Variants in WDR93 observed in about 807,000 individuals in gnomAD.
WDR93 encodes the protein WD repeat domain 93.
Under a neutral mutation model 82.9 loss-of-function variants are expected in WDR93, and 73 were observed. The observed-to-expected ratio is 0.88, with a 90% CI of 0.73 to 1.07. WDR93 has a LOEUF of 1.07. Among genes scored for constraint, WDR93 ranks in the 50% least tolerant of loss-of-function variants. The probability of loss-of-function intolerance (pLI) is 0.00; values close to 1 mark genes in which losing one functional copy is unlikely to be tolerated. For synonymous variants in WDR93, 283 were observed against 300.1 expected (o/e 0.94, Z 0.59); for missense variants, 738 against 826.0 (o/e 0.89, Z 1.31).
intron 2 of WDR93, among the ~76,000 whole-genome samples, chr15:89,702,462 C>A (rs559920491): frequency 1.3e-5 from 2 of 152,162 alleles, no homozygotes; most frequent in African/African-American, 4.8e-5. Flanking sequence ...ATTCTCTTTG[C>A]CCTAACAGTG....
intron 8 of WDR93, among the ~76,000 whole-genome samples, chr15:89,725,163 T>C (rs1471463528): frequency 6.6e-6 from 1 of 152,206 alleles, no homozygotes; most frequent in Non-Finnish European, 1.5e-5. Context: ...TGATTTTTAA[T>C]AGCCCCAAAC....
intron 4 of WDR93, among the ~76,000 whole-genome samples, chr15:89,711,323 C>G (rs1965963964): frequency 6.6e-6 from 1 of 151,918 alleles, no homozygotes; most frequent in Non-Finnish European, 1.5e-5. Context: ...AAATGGCAAA[C>G]AGAAAAACAA....
chr15:89,698,804 A>G (rs1238812859), intron 1 of WDR93, among the ~76,000 whole-genome samples: 1 of 152,146 alleles, frequency 6.6e-6, no homozygotes, highest in African/African-American at 2.4e-5. Context: ...AAATAATAAG[A>G]AAAATATTTT....
intron 5 of WDR93, 73 bp downstream of exon 5, chr15:89,712,177 C>T: frequency 1.7e-6 from 2 of 1,186,758 alleles, no homozygotes; most frequent in Non-Finnish European, 2.4e-6. Flanking sequence ...TGCTTTTGTC[C>T]CTCCAAACCT....
intron 8 of WDR93, among the ~76,000 whole-genome samples, chr15:89,724,321 G>A (rs1212859062): frequency 1.3e-5 from 2 of 152,136 alleles, no homozygotes; most frequent in African/African-American, 2.4e-5. Context: ...CTGCCTGGGC[G>A]ACACAGCGAG....
intron 3 of WDR93, 62 bp downstream of exon 3, chr15:89,703,204 T>A (rs1401049199): frequency 6.3e-7 from 1 of 1,581,056 alleles, no homozygotes; most frequent in Non-Finnish European, 8.7e-7. Context: ...GTTGTCAATT[T>A]AATCTCCTTT....
intron 4 of WDR93, among the ~76,000 whole-genome samples, chr15:89,707,280 C>T (rs937201934): frequency 5.9e-5 from 9 of 152,138 alleles, no homozygotes; most frequent in Admixed American, 2.6e-4. Flanking sequence ...AGGCCAGGCA[C>T]GCTGGCTCAT....
chr15:89,702,895 A>G, intron 2 of WDR93, 55 bp from the exon 3 acceptor site: 1 of 1,562,124 alleles, frequency 6.4e-7, no homozygotes, highest in Non-Finnish European at 8.7e-7. Flanking sequence ...AAGCTAACTC[A>G]TAATATTTGA....
At position 89,727,215 on chromosome 15, in the gene WDR93, G is replaced by A; in HGVS notation, c.939G>A (p.Leu313=). The A allele has an allele frequency of 6.2e-7, 1 of 1,614,156 alleles. No individual in the cohort carries two copies. The highest frequency in any genetic ancestry group is 1.1e-5 in the South Asian group (1 of 91,082). The change falls in exon 9 of 17, where the codon CTG becomes CTA. Residue 313 remains leucine, a synonymous_variant. Coordinates refer to ENST00000268130, the MANE Select transcript of WDR93 (RefSeq NM_020212.2). ...VFAKIKDCYG[L]GSGQNHFIKD... ...CAAAGATCAAGGACTGCTACGGACT[G>A]GGCTCCGGGCAGAATCATTTCATCA...
rs547647523 is a variant in WDR93, at chr15:89,701,966, A to G, written c.220A>G (p.Ile74Val). Residue 74 changes from isoleucine to valine, a missense_variant, in exon 2 of 17, where the codon ATT becomes GTT. Physicochemically the swap from Ile to Val is conservative, Grantham distance 29. Coordinates refer to ENST00000268130, the MANE Select transcript of WDR93 (RefSeq NM_020212.2). Reference protein sequence around the residue: ...VNLLFDQSWEIIEERNALREA... With the variant: ...VNLLFDQSWEVIEERNALREA... ...CCTTCTGTTTGACCAGTCTTGGGAA[A>G]TTATTGAAGAGAGAAACGCACTGAG... 7 of 1,613,888 alleles carry G rather than the reference A, an allele frequency of 4.3e-6. No homozygotes were observed. Among genetic ancestry groups the G allele is most frequent in the Non-Finnish European group, 5.9e-6 (7 of 1,180,038 alleles).
intron 1 of WDR93, among the ~76,000 whole-genome samples, chr15:89,694,535 G>A (rs764472938): frequency 1.2e-4 from 19 of 152,002 alleles, no homozygotes; most frequent in African/African-American, 2.4e-4. Context: ...GCACCCGGCC[G>A]GGTTACTTCT....
intron 6 of WDR93, 34 bp downstream of exon 6, chr15:89,715,129 TC>T (rs770570894): frequency 6.9e-5 from 109 of 1,590,010 alleles, no homozygotes; most frequent in Non-Finnish European, 8.7e-5. Context: ...CTGATATGTT[TC>T]TCCCTACCCC....
chr15:89,705,210 C>A, intron 3 of WDR93: 1 of 248,674 alleles, frequency 4.0e-6, no homozygotes, highest in Non-Finnish European at 7.7e-6. Context: ...TTGCAGGAAA[C>A]AGTTGGATAA....
In WDR93 at chr15:89,743,353, T is replaced by C; in HGVS notation, c.2023T>C (p.Tyr675His). The change falls in exon 17 of 17, where the codon TAC becomes CAC. Residue 675 changes from tyrosine (Y) to histidine (H), a missense_variant. Physicochemically the swap from Tyr to His is moderately conservative, Grantham distance 83 (BLOSUM62 2). Coordinates refer to ENST00000268130, the MANE Select transcript of WDR93 (RefSeq NM_020212.2). Reference protein sequence around the residue: ...EEEHWARLQRYSLSLQRENFK... With the variant: ...EEEHWARLQRHSLSLQRENFK... ...GGAGCACTGGGCCCGGCTTCAGAGG[T>C]ACTCCTTGTCGCTCCAGAGAGAGAA... 3.1e-6 allele frequency: 5 copies of C among 1,614,150 alleles called. No individual in the cohort carries two copies. Among genetic ancestry groups the C allele is most frequent in the Non-Finnish European group, 4.2e-6 (5 of 1,180,028 alleles).
intron 4 of WDR93, among the ~76,000 whole-genome samples, chr15:89,706,317 G>GTTT (rs35434840): frequency 6.8e-6 from 1 of 146,630 alleles, no homozygotes; most frequent in African/African-American, 2.5e-5. Flanking sequence ...TCAGAGTAAG[G>GTTT]TTTTTTTTTT....
At chr15:89,705,464 T>G (rs1965685422) in intron 3 of WDR93, 90 bp from the exon 4 acceptor site, 2 of 804,580 alleles carry the variant, frequency 2.5e-6, no homozygotes, top group Non-Finnish European at 4.4e-6. Context: ...GAGCTCATGA[T>G]GGTAAGTTCA....
Position 89,712,396 on chromosome 15 carries a change from C to CTTTTTT in WDR93, c.640+310_640+315dup, listed in dbSNP as rs1170109589. Among the ~76,000 whole-genome samples the CTTTTTT allele has an allele frequency of 1.5e-3, 123 of 80,496 alleles. 7 individuals carry two copies. Among genetic ancestry groups the CTTTTTT allele is most frequent in the African/African-American group, 3.1e-3 (57 of 18,216 alleles). 52.8% of individuals were successfully genotyped at this position (80,496 alleles called of 152,430 possible). A position where few individuals can be genotyped will look rare whatever the true frequency, so the allele number is the denominator to read the frequency against. ...GGATTTCACTAGTTTTTCCACTAAT[C>CTTTTTT]TTTTTTTTTTTTTTTTTTTTTTTGC... On this transcript the variant is annotated intron_variant, in intron 5 of 16. Transcript: ENST00000268130.
At chr15:89,718,635 TAATAAA>T (rs1174399468) in intron 7 of WDR93, among the ~76,000 whole-genome samples, 2 of 152,062 alleles carry the variant, frequency 1.3e-5, no homozygotes, top group Non-Finnish European at 1.5e-5. Context: ...TCACAAAAAA[TAATAAA>T]AATAAAAATA....
At chr15:89,721,799 T>A (rs1966539941) in intron 7 of WDR93, among the ~76,000 whole-genome samples, 1 of 152,168 alleles carries the variant, frequency 6.6e-6, no homozygotes, top group Non-Finnish European at 1.5e-5. Flanking sequence ...GGGTCTAGCC[T>A]TTTTATAGAG....
Sources: allele counts gnomAD v4.1 joint callset (sites outside exome capture counted in the v4.1 genomes callset), GRCh38; gene constraint gnomAD v4.1.1; transcripts MANE v1.5; gene names NCBI Gene and HGNC (gene_info 2026-07-23, HGNC 2026-07-21).